The following HERC2 variants were observed in gnomAD, a reference collection of about 807,000 sequenced individuals.
The protein encoded by HERC2 is HECT and RLD domain containing E3 ubiquitin protein ligase 2.
HERC2 carries 102 observed loss-of-function variants against 537.7 expected under a neutral mutation model. The ratio of observed to expected loss-of-function variants is 0.19; its 90% CI spans 0.16 to 0.22. The LOEUF (loss-of-function observed/expected upper bound fraction) is 0.22. Among genes scored for constraint, HERC2 ranks in the 10% least tolerant of loss-of-function variants. HERC2 has a pLI of 1.00. For synonymous variants in HERC2, 2,224 were observed against 2,466.2 expected (o/e 0.90, Z 2.91); for missense variants, 4,236 against 6,198.2 (o/e 0.68, Z 10.63).
At chr15:28,288,847 T>G (rs1159620775) in intron 4 of HERC2, among the ~76,000 whole-genome samples, 1 of 121,114 alleles carries the variant, frequency 8.3e-6, no homozygotes, top group Non-Finnish European at 1.6e-5. Context: ...AAACTCCATC[T>G]CAAAAAAAAA....
intron 20 of HERC2, among the ~76,000 whole-genome samples, chr15:28,253,982 AAAT>A (rs2075170202): frequency 6.6e-6 from 1 of 151,756 alleles, no homozygotes; most frequent in African/African-American, 2.4e-5. Flanking sequence ...TATTAAAAAA[AAAT>A]AATAAGTACA....
intron 81 of HERC2, among the ~76,000 whole-genome samples, chr15:28,131,848 T>C (rs1296377358): frequency 6.6e-6 from 1 of 152,144 alleles, no homozygotes; most frequent in Non-Finnish European, 1.5e-5. Flanking sequence ...GCCCGGATGA[T>C]CCCATCCACT....
rs1307677214 is a variant in HERC2 at position 28,272,236 on chromosome 15, G to A, written c.1062C>T (p.Pro354=). The A allele has an allele frequency of 1.7e-5, 28 of 1,608,378 alleles. No individual in the cohort carries two copies. Among genetic ancestry groups the A allele is most frequent in the Non-Finnish European group, 2.4e-5 (28 of 1,177,912 alleles). ...TCACGTGCATGTCGCCCTCGGAGTG[G>A]GGTGCATCCTTCCTGCAAATGATGC... ...FQSIICRKDA[P]HSEGDMHLLS... The change falls in exon 9 of 93, where the codon CCC becomes CCT. Residue 354 remains proline, a synonymous_variant. Coordinates refer to ENST00000261609, the MANE Select transcript of HERC2 (RefSeq NM_004667.6).
rs574018456 is a variant in HERC2 at position 28,131,461 on chromosome 15, T to C, written c.12570+639A>G. ...GCAGAGCACCTGGGCTACACGGCAGTGTGGTGTGCATGCACTGAGGTCACT... is the reference window on the plus strand; with the variant it reads ...GCAGAGCACCTGGGCTACACGGCAGCGTGGTGTGCATGCACTGAGGTCACT... On this transcript the variant is annotated intron_variant, in intron 81 of 92. Coordinates refer to ENST00000261609, the MANE Select transcript of HERC2 (RefSeq NM_004667.6). 9.2e-5 allele frequency among the ~76,000 whole-genome samples: 14 copies of C among 152,340 alleles called. No homozygotes were observed. The South Asian group carries it at 2.9e-3, about 32-fold the overall frequency.
intron 2 of HERC2, among the ~76,000 whole-genome samples, chr15:28,311,806 G>A (rs1362859813): frequency 1.3e-5 from 2 of 152,106 alleles, no homozygotes; most frequent in Admixed American, 6.5e-5. Flanking sequence ...AGACTGGCTG[G>A]GCTCCACACA....
rs779016338 is a variant in HERC2 at position 28,198,744 on chromosome 15, C to T, written c.7742G>A (p.Arg2581Gln). ...ACCTTCGCACACTTCTTCATACGCTCGGCAGCATCTAACCATCATTCCCAC... is the reference window on the plus strand; with the variant it reads ...ACCTTCGCACACTTCTTCATACGCTTGGCAGCATCTAACCATCATTCCCAC... ...IQVGMMVRCC[R>Q]AYEEVCEGDV... is the part of the protein sequence containing the mutation. The change falls in exon 49 of 93, where the codon CGA becomes CAA. Residue 2581 changes from arginine to glutamine, a missense_variant. Arg to Gln is a conservative substitution (Grantham distance 43). This residue lies in a region of HERC2 where 606 missense variants were observed against 884.5 expected (regional missense o/e 0.69). Transcript: ENST00000261609. 7.4e-6 allele frequency: 12 copies of T among 1,613,330 alleles called. No homozygotes were observed. Among genetic ancestry groups the T allele is most frequent in the Non-Finnish European group, 1.0e-5 (12 of 1,179,720 alleles).
Position 28,201,473 on chromosome 15 carries a change from C to T in HERC2, c.7699G>A (p.Val2567Met). The T allele has an allele frequency of 1.2e-6, 2 of 1,604,706 alleles. No homozygotes were observed. The highest frequency in any genetic ancestry group is 1.7e-5 in the Admixed American group (1 of 60,012). Reference protein sequence around the residue: ...FLSNDDYAVYVRENIQVGMMV... With the variant: ...FLSNDDYAVYMRENIQVGMMV... ...TTACTCACCTGAATATTCTCTCTCA[C>T]ATATACAGCATAATCATCATTACTC... Residue 2567 changes from valine (V) to methionine (M), a missense_variant, in exon 48 of 93, where the codon GTG becomes ATG. Physicochemically the swap from Val to Met is conservative, Grantham distance 21. This residue lies in a region of HERC2 where 606 missense variants were observed against 884.5 expected (regional missense o/e 0.69). Coordinates refer to ENST00000261609, the MANE Select transcript of HERC2 (RefSeq NM_004667.6).
In HERC2 at chr15:28,111,646, G is replaced by A. The variant is rs1022465286; in HGVS notation, c.*117C>T. ...GTCAGTCTCTCCACTCCCTCCTCCC[G>A]CCTGGCTCGAGGACGGACGCTTCTC... is the stretch of plus-strand genomic sequence containing the variant. On this transcript the variant is annotated 3_prime_UTR_variant, in exon 93 of 93. Transcript: ENST00000261609. 3.5e-5 allele frequency: 39 copies of A among 1,108,186 alleles called. No homozygotes were observed. The highest frequency in any genetic ancestry group is 4.3e-5 in the Non-Finnish European group (33 of 769,354). 68.6% of individuals were successfully genotyped at this position (1,108,186 alleles called of 1,614,324 possible). A position where few individuals can be genotyped will look rare whatever the true frequency, so the allele number is the denominator to read the frequency against.
chr15:28,210,406 G>A (rs562960797), intron 44 of HERC2, among the ~76,000 whole-genome samples: 1 of 152,340 alleles, frequency 6.6e-6, no homozygotes, highest in East Asian at 1.9e-4. Flanking sequence ...AAAGTGCAGG[G>A]ATTACAGGCA....
chr15:28,278,876 T>A (rs2075949763), intron 5 of HERC2, among the ~76,000 whole-genome samples: 3 of 152,252 alleles, frequency 2.0e-5, no homozygotes, highest in Admixed American at 2.0e-4. Flanking sequence ...TCTGATAGCT[T>A]CATTTTGGAA....
At chr15:28,154,013 T>A (rs1271712849) in intron 69 of HERC2, among the ~76,000 whole-genome samples, 2 of 152,174 alleles carry the variant, frequency 1.3e-5, no homozygotes, top group Non-Finnish European at 2.9e-5. Flanking sequence ...CCATACCACA[T>A]TCTCAACAAT....
intron 16 of HERC2, 146 bp from the exon 17 acceptor site, chr15:28,257,407 G>A (rs1362794199): frequency 1.1e-5 from 7 of 634,968 alleles, no homozygotes; most frequent in African/African-American, 1.8e-5. Context: ...ATTCATGGAT[G>A]TCTAGCTCAC....
intron 64 of HERC2, 100 bp downstream of exon 64, chr15:28,175,412 C>T: frequency 8.6e-7 from 1 of 1,160,276 alleles, no homozygotes; most frequent in Non-Finnish European, 1.2e-6. Context: ...CAGCTGATTT[C>T]ATCAACAGCT....
At chr15:28,316,222 C>CAAA (rs869089875) in intron 2 of HERC2, among the ~76,000 whole-genome samples, 75 of 50,516 alleles carry the variant, frequency 1.5e-3, no homozygotes, top group East Asian at 0.01. Flanking sequence ...GACTCTGTCT[C>CAAA]AAAAAAAAAA....
chr15:28,298,005 T>TTG (rs373425948), intron 3 of HERC2, among the ~76,000 whole-genome samples: 4,200 of 129,612 alleles, frequency 0.032, 80 homozygotes, highest in African/African-American at 0.12. Flanking sequence ...CTGTCAGTTA[T>TTG]TGTGTGTGTG....
intron 88 of HERC2, among the ~76,000 whole-genome samples, chr15:28,115,836 C>A (rs762625025): frequency 3.9e-5 from 6 of 152,248 alleles, no homozygotes; most frequent in Non-Finnish European, 5.9e-5. Context: ...AACTTCCCCA[C>A]GGGAGTGTCC....
chr15:28,141,727 TA>T lies in HERC2; in HGVS notation c.11816+3del. The T allele has an allele frequency of 6.2e-7, 1 of 1,612,360 alleles. No homozygotes were observed. The highest frequency in any genetic ancestry group is 1.3e-5 in the African/African-American group (1 of 75,022). On this transcript the variant is annotated splice_donor_region_variant and intron_variant, in intron 77 of 92. Coordinates refer to ENST00000261609, the MANE Select transcript of HERC2 (RefSeq NM_004667.6). The stretch of plus-strand genomic sequence containing the variant: ...ACATTACTGCTTGTTTCTAATATAA[TA>T]ACCTGTTCATCCACTGCACAAGTTG...
At chr15:28,255,445 A>T (rs188327822) in intron 19 of HERC2, among the ~76,000 whole-genome samples, 1 of 151,904 alleles carries the variant, frequency 6.6e-6, no homozygotes, top group Non-Finnish European at 1.5e-5. Flanking sequence ...AAAAGAAGTC[A>T]CAATACACAC....
intron 86 of HERC2, chr15:28,117,475 C>T (rs1255884659): frequency 1.6e-6 from 1 of 634,978 alleles, no homozygotes; most frequent in East Asian, 3.2e-5. Context: ...CCCGGCAGCA[C>T]CACCCTGGCA....
Sources: gnomAD v4.1 joint callset for allele counts (sites outside exome capture counted in the v4.1 genomes callset) on GRCh38, gnomAD v4.1.1 for gene constraint, gnomAD v4.1.1 regional missense constraint, MANE v1.5 for transcripts, NCBI Gene and HGNC (gene_info 2026-07-23, HGNC 2026-07-21) for gene names.